HS3ST4: variants seen among roughly 807,000 people sequenced by gnomAD.
HS3ST4 encodes the protein heparan sulfate-glucosamine 3-sulfotransferase 4, also known as heparan sulfate glucosamine 3-O-sulfotransferase 4.
Under a neutral mutation model 29.2 loss-of-function variants are expected in HS3ST4, and 17 were observed. The ratio of observed to expected loss-of-function variants is 0.58; its 90% CI spans 0.40 to 0.87. The LOEUF (loss-of-function observed/expected upper bound fraction) is 0.87. Ranked by LOEUF, HS3ST4 falls within the 40% of genes least tolerant of loss-of-function variation. The pLI is 0.00. For missense variants in HS3ST4, 627 were observed against 634.5 expected, an observed-to-expected ratio of 0.99 and a Z score of 0.13; for synonymous variants, 314 against 285.7, an observed-to-expected ratio of 1.10 and a Z score of -1.00.
chr16:25,842,381 C>T (rs115279785), intron 1 of HS3ST4, among the ~76,000 whole-genome samples: 1 of 152,168 alleles, frequency 6.6e-6, no homozygotes, highest in Non-Finnish European at 1.5e-5. Context: ...GGACTTCTTC[C>T]AATCTGCTCT....
chr16:25,718,831 T>A (rs1235101401), intron 1 of HS3ST4, among the ~76,000 whole-genome samples: 1 of 152,180 alleles, frequency 6.6e-6, no homozygotes, highest in African/African-American at 2.4e-5. Context: ...ATTGAAGCCA[T>A]GGTCTGTGGT....
intron 1 of HS3ST4, among the ~76,000 whole-genome samples, chr16:26,134,679 A>C (rs1898257355): frequency 3.3e-5 from 5 of 152,198 alleles, no homozygotes; most frequent in African/African-American, 1.2e-4. Context: ...TAAGGCTCGA[A>C]GATATAATTC....
At chr16:25,852,612 C>T (rs1408661379) in intron 1 of HS3ST4, among the ~76,000 whole-genome samples, 1 of 150,928 alleles carries the variant, frequency 6.6e-6, no homozygotes, top group Non-Finnish European at 1.5e-5. Flanking sequence ...GCTCTCGATA[C>T]ATTCTGGATT....
intron 1 of HS3ST4, among the ~76,000 whole-genome samples, chr16:25,759,645 C>T (rs939174698): frequency 5.9e-5 from 9 of 152,156 alleles, no homozygotes; most frequent in Non-Finnish European, 1.2e-4. Flanking sequence ...AAACAGCCAG[C>T]GAGGCTCAGT....
chr16:25,810,012 GAGT>G (rs1256382785), intron 1 of HS3ST4, among the ~76,000 whole-genome samples: 1 of 151,652 alleles, frequency 6.6e-6, no homozygotes, highest in Non-Finnish European at 1.5e-5. Flanking sequence ...TGCTTGCTTT[GAGT>G]ATAGATTGTT....
At chr16:26,109,132 C>T (rs143500306) in intron 1 of HS3ST4, among the ~76,000 whole-genome samples, 1 of 152,278 alleles carries the variant, frequency 6.6e-6, no homozygotes, top group East Asian at 1.9e-4. Context: ...TCAATGCACT[C>T]TCCGGCAAAA....
chr16:25,948,585 T>C (rs1370866769), intron 1 of HS3ST4, among the ~76,000 whole-genome samples: 1 of 152,182 alleles, frequency 6.6e-6, no homozygotes, highest in Non-Finnish European at 1.5e-5. Context: ...TCTCACAATA[T>C]TGCCCAGTCT....
Position 25,722,074 on chromosome 16 carries a change from T to C in HS3ST4, c.734+28923T>C, listed in dbSNP as rs549867210. On this transcript the variant is annotated intron_variant, in intron 1 of 1. Transcript: ENST00000331351. ...TTGTCAGTGTTCTGTTTTGGCAGCGTGTAGCCCATTCAGGAAACTTCCATT... is the reference window on the plus strand; with the variant it reads ...TTGTCAGTGTTCTGTTTTGGCAGCGCGTAGCCCATTCAGGAAACTTCCATT... Among the ~76,000 whole-genome samples the C allele has an allele frequency of 2.2e-4, 34 of 152,360 alleles. No individual in the cohort carries two copies. The South Asian group carries it at 6.4e-3, about 29-fold the overall frequency.
At chr16:25,772,538 A>G (rs2141611510) in intron 1 of HS3ST4, among the ~76,000 whole-genome samples, 2 of 152,302 alleles carry the variant, frequency 1.3e-5, no homozygotes, top group Middle Eastern at 6.8e-3. Context: ...GAAAATGTTC[A>G]GTGTGTTTCA....
intron 1 of HS3ST4, among the ~76,000 whole-genome samples, chr16:25,841,071 C>T (rs1243395461): frequency 1.3e-5 from 2 of 151,688 alleles, no homozygotes; most frequent in Non-Finnish European, 2.9e-5. Context: ...GTGGTGCGAT[C>T]TCTGCTCACT....
Position 26,087,680 on chromosome 16 carries a change from G to T in HS3ST4, c.735-47932G>T, listed in dbSNP as rs1009152083. ...ATATGCTTGTGACCAGAAGTGTTTT[G>T]GATTTGGAATTTTTAAAAAATATTT... On this transcript the variant is annotated intron_variant, in intron 1 of 1. Coordinates refer to ENST00000331351, the MANE Select transcript of HS3ST4 (RefSeq NM_006040.3). 2.0e-5 allele frequency among the ~76,000 whole-genome samples: 3 copies of T among 151,986 alleles called. No homozygotes were observed. In the South Asian group the frequency reaches 6.2e-4, roughly 32 times the overall value.
At chr16:25,946,020 A>G (rs1968621794) in intron 1 of HS3ST4, among the ~76,000 whole-genome samples, 1 of 152,154 alleles carries the variant, frequency 6.6e-6, no homozygotes, top group African/African-American at 2.4e-5. Flanking sequence ...GTCACTTCCA[A>G]AGGAAATCCA....
intron 1 of HS3ST4, among the ~76,000 whole-genome samples, chr16:25,742,676 G>A (rs1386934406): frequency 6.6e-6 from 1 of 152,226 alleles, no homozygotes; most frequent in African/African-American, 2.4e-5. Context: ...CCTCTCTTCT[G>A]TAGCATTTGG....
intron 1 of HS3ST4, among the ~76,000 whole-genome samples, chr16:25,839,024 G>A (rs895824905): frequency 5.9e-5 from 9 of 152,180 alleles, no homozygotes; most frequent in Non-Finnish European, 1.5e-5. Flanking sequence ...GAAGTTGTCA[G>A]ATAACCATCA....
At position 26,070,843 on chromosome 16, in the gene HS3ST4, A is replaced by T. The variant is rs949555912; in HGVS notation, c.735-64769A>T. On this transcript the variant is annotated intron_variant, in intron 1 of 1. Coordinates refer to ENST00000331351, the MANE Select transcript of HS3ST4 (RefSeq NM_006040.3). ...TTATGGTAACCTGGGACCATTTTTT[A>T]AAAAAGGCATTCCATTGACATTGTT... 2.6e-5 allele frequency among the ~76,000 whole-genome samples: 4 copies of T among 152,242 alleles called. No homozygotes were observed. The South Asian group carries it at 6.2e-4, about 24-fold the overall frequency.
At chr16:26,078,704 C>A (rs1433775540) in intron 1 of HS3ST4, among the ~76,000 whole-genome samples, 1 of 152,146 alleles carries the variant, frequency 6.6e-6, no homozygotes, top group Non-Finnish European at 1.5e-5. Context: ...GACATTAAAT[C>A]TATGTAAATT....
chr16:25,749,354 G>A (rs1024941827), intron 1 of HS3ST4, among the ~76,000 whole-genome samples: 2 of 152,064 alleles, frequency 1.3e-5, no homozygotes, highest in African/African-American at 4.8e-5. Flanking sequence ...AATTAGCTGG[G>A]CGTGGTGACA....
At chr16:25,799,286 G>A (rs1434751680) in intron 1 of HS3ST4, among the ~76,000 whole-genome samples, 1 of 152,080 alleles carries the variant, frequency 6.6e-6, no homozygotes, top group African/African-American at 2.4e-5. Context: ...GCCTTTCAAA[G>A]GTTCTTTCTC....
intron 1 of HS3ST4, among the ~76,000 whole-genome samples, chr16:25,795,163 A>C (rs1966880331): frequency 6.6e-6 from 1 of 151,746 alleles, no homozygotes; most frequent in African/African-American, 2.4e-5. Flanking sequence ...AGTAGAGACG[A>C]AGTTTCACTA....
Sources: allele counts gnomAD v4.1 joint callset (sites outside exome capture counted in the v4.1 genomes callset), GRCh38; gene constraint gnomAD v4.1.1; transcripts MANE v1.5; gene names NCBI Gene and HGNC (gene_info 2026-07-23, HGNC 2026-07-21).